Variants in SPRR2G observed in about 807,000 individuals in gnomAD.
SPRR2G encodes the protein small proline rich protein 2G.
A neutral mutation model predicts 0.7 loss-of-function variants in SPRR2G; 1 was observed. The observed-to-expected ratio is 1.49, with a 90% confidence interval of 0.53 to 7.06. The LOEUF (loss-of-function observed/expected upper bound fraction) is 7.06. Ranked by LOEUF, SPRR2G falls within the 30% of genes most tolerant of loss-of-function variation. The pLI is 0.14. For missense variants in SPRR2G, 96 were observed against 88.5 expected (o/e 1.09, Z -0.34); for synonymous variants, 38 against 33.9 (o/e 1.12, Z -0.42).
chr1:153,191,645 C>A, the SPRR2G span: 1 of 152,136 alleles, frequency 6.6e-6, no homozygotes, highest in African/African-American at 2.4e-5. Context: ...ATAATGTCAG[C>A]ATTATGATTA....
the SPRR2G span, among the ~76,000 whole-genome samples, chr1:153,188,813 G>A: frequency 5.6e-4 from 86 of 152,292 alleles, no homozygotes; most frequent in Non-Finnish European, 9.4e-4. Flanking sequence ...GTAGGCACAC[G>A]AGGGAATACC....
chr1:153,193,016 T>G, the SPRR2G span, among the ~76,000 whole-genome samples: 1 of 152,066 alleles, frequency 6.6e-6, no homozygotes, highest in South Asian at 2.1e-4. Context: ...TCCATTTCTT[T>G]ATTTTGAGAG....
chr1:153,151,560 TAC>T (rs1360634035), upstream of SPRR2G, among the ~76,000 whole-genome samples: 1 of 152,328 alleles, frequency 6.6e-6, no homozygotes, highest in East Asian at 1.9e-4. Context: ...TTTGCAGATT[TAC>T]ACACTAACCT....
At chr1:153,200,865 A>G in the SPRR2G span, among the ~76,000 whole-genome samples, 2 of 151,898 alleles carry the variant, frequency 1.3e-5, no homozygotes. Context: ...ACGCCCAGCT[A>G]ATTTGCTAAT....
At chr1:153,182,710 AG>A in the SPRR2G span, among the ~76,000 whole-genome samples, 474 of 152,278 alleles carry the variant, frequency 3.1e-3, 6 homozygotes, top group African/African-American at 0.011. Flanking sequence ...GTCCCTGCAA[AG>A]GACATGAACT....
chr1:153,164,276 G>A, the SPRR2G span, among the ~76,000 whole-genome samples: 5 of 152,168 alleles, frequency 3.3e-5, no homozygotes, highest in Admixed American at 1.3e-4. Context: ...TGATAGGCTG[G>A]CTCAGCAATG....
chr1:153,186,524 C>T, the SPRR2G span, among the ~76,000 whole-genome samples: 2 of 152,136 alleles, frequency 1.3e-5, no homozygotes, highest in Non-Finnish European at 2.9e-5. Context: ...TTATCAGAGA[C>T]TAGAATTGCA....
chr1:153,158,624 G>A, the SPRR2G span, among the ~76,000 whole-genome samples: 1 of 152,194 alleles, frequency 6.6e-6, no homozygotes, highest in African/African-American at 2.4e-5. Context: ...TCTTCTTACA[G>A]CTCCACTAGG....
chr1:153,193,998 C>T, the SPRR2G span, among the ~76,000 whole-genome samples: 2 of 152,126 alleles, frequency 1.3e-5, no homozygotes, highest in African/African-American at 2.4e-5. Context: ...AGATCACAGA[C>T]ATGATTCTCT....
the SPRR2G span, among the ~76,000 whole-genome samples, chr1:153,167,028 A>G: frequency 5.9e-5 from 9 of 152,180 alleles, no homozygotes; most frequent in African/African-American, 2.2e-4. Context: ...CATAATCAGA[A>G]TGGACCCTGA....
At chr1:153,161,541 A>G in the SPRR2G span, among the ~76,000 whole-genome samples, 215 of 152,198 alleles carry the variant, frequency 1.4e-3, 3 homozygotes, top group Admixed American at 3.6e-3. Context: ...CACTCTGTTG[A>G]TTCTTTCATT....
At chr1:153,161,066 G>C in the SPRR2G span, among the ~76,000 whole-genome samples, 1 of 140,566 alleles carries the variant, frequency 7.1e-6, no homozygotes, top group Non-Finnish European at 1.5e-5. Flanking sequence ...ACAGGAAGTG[G>C]AACATCACAC....
chr1:153,179,313 C>T, the SPRR2G span, among the ~76,000 whole-genome samples: 2 of 152,116 alleles, frequency 1.3e-5, no homozygotes, highest in Non-Finnish European at 2.9e-5. Context: ...GATTGAGTAA[C>T]TAGGGACTGT....
chr1:153,191,866 G>A, the SPRR2G span, among the ~76,000 whole-genome samples: 1 of 152,034 alleles, frequency 6.6e-6, no homozygotes, highest in Non-Finnish European at 1.5e-5. Context: ...TATGCCTGTT[G>A]TTTAACTATC....
the SPRR2G span, among the ~76,000 whole-genome samples, chr1:153,181,003 T>A: frequency 6.6e-6 from 1 of 152,160 alleles, no homozygotes; most frequent in Non-Finnish European, 1.5e-5. Context: ...GGAACACATG[T>A]GTATATATGT....
the SPRR2G span, among the ~76,000 whole-genome samples, chr1:153,192,226 A>G: frequency 6.6e-6 from 1 of 152,212 alleles, no homozygotes; most frequent in Non-Finnish European, 1.5e-5. Context: ...CTGAGGAAGA[A>G]GGCAGAGCAG....
the SPRR2G span, among the ~76,000 whole-genome samples, chr1:153,195,001 GT>G: frequency 6.6e-6 from 1 of 152,168 alleles, no homozygotes; most frequent in Admixed American, 6.5e-5. Flanking sequence ...TTTATCTCCT[GT>G]TTTTTGCAGT....
At chr1:153,197,183 T>TGTGTGTGTGTGTGTGTGTG in the SPRR2G span, among the ~76,000 whole-genome samples, 3 of 145,472 alleles carry the variant, frequency 2.1e-5, no homozygotes, top group African/African-American at 7.8e-5. Context: ...TGTGTGTATG[T>TGTGTGTGTGTGTGTGTGTG]TGGAGGATGA....
At chr1:153,199,543 C>T in the SPRR2G span, among the ~76,000 whole-genome samples, 1 of 152,122 alleles carries the variant, frequency 6.6e-6, no homozygotes, top group Non-Finnish European at 1.5e-5. Context: ...GCAGCCCCTA[C>T]CCAAATGGAC....
Sources: gnomAD v4.1 joint callset for allele counts (sites outside exome capture counted in the v4.1 genomes callset) on GRCh38, gnomAD v4.1.1 for gene constraint, MANE v1.5 for transcripts, NCBI Gene and HGNC (gene_info 2026-07-23, HGNC 2026-07-21) for gene names.